The following SLC29A1 variants were observed in gnomAD, a reference collection of about 807,000 sequenced individuals.
SLC29A1 encodes the protein equilibrative nucleoside transporter 1.
In SLC29A1, 22 loss-of-function variants were observed where a neutral mutation model predicts 48.3. That is an observed-to-expected ratio of 0.46 (90% CI 0.33 to 0.65). SLC29A1 has a LOEUF of 0.65. Among genes scored for constraint, SLC29A1 ranks in the 30% least tolerant of loss-of-function variants. SLC29A1 has a pLI of 0.03. For missense variants in SLC29A1, 491 were observed against 575.3 expected (o/e 0.85, Z 1.50); for synonymous variants, 228 against 231.0 (o/e 0.99, Z 0.12).
In SLC29A1 at chr6:44,231,850, C is replaced by T. The variant is rs1778964183; in HGVS notation, c.865-148C>T. The T allele has an allele frequency of 5.0e-6, 3 of 594,904 alleles. No individual in the cohort carries two copies. In the Admixed American group the frequency reaches 7.5e-5, roughly 15 times the overall value. 36.9% of individuals were successfully genotyped at this position (594,904 alleles called of 1,614,324 possible). A position where few individuals can be genotyped will look rare whatever the true frequency, so the allele number is the denominator to read the frequency against. On this transcript the variant is annotated intron_variant, in intron 9 of 12. Transcript: ENST00000371755. ...ACCAGGTCAAGCTGGTCTCAAACTC[C>T]TGACCTCAGGTGATCCACCCACCTC...
chr6:44,219,823 G>C (rs943820137), upstream of SLC29A1: 66 of 1,115,024 alleles, frequency 5.9e-5, no homozygotes, highest in Non-Finnish European at 7.8e-5. Context: ...GGGCGGGGTG[G>C]GGTGGGGGCG....
intron 1 of SLC29A1, among the ~76,000 whole-genome samples, chr6:44,225,492 G>A (rs1335968216): frequency 2.1e-5 from 3 of 141,800 alleles, no homozygotes; most frequent in Non-Finnish European, 4.5e-5. Context: ...GGCAACAGGA[G>A]CAAAAACTCC....
In SLC29A1 at chr6:44,223,795, C is replaced by G. The variant is rs1031057976; in HGVS notation, c.-52+154C>G. The stretch of plus-strand genomic sequence containing the variant: ...GGCCCCAGTGCGGAGCGTGCGGAGC[C>G]GCGCAGCACGTGGCGCGCACGGGCC... On this transcript the variant is annotated intron_variant, in intron 1 of 12. Coordinates refer to ENST00000371755, the MANE Select transcript of SLC29A1 (RefSeq NM_001372327.1). The surrounding 1 kb of genome is among the most constrained non-coding windows in gnomAD (Gnocchi z 5.0). The G allele has an allele frequency of 4.3e-5, 44 of 1,021,526 alleles. No homozygotes were observed. Among genetic ancestry groups the G allele is most frequent in the Non-Finnish European group, 4.9e-5 (42 of 850,824 alleles). The allele number at this position is 1,021,526 out of a possible 1,614,324, so 63.3% of individuals were successfully genotyped here. A position where few individuals can be genotyped will look rare whatever the true frequency, so the allele number is the denominator to read the frequency against.
At chr6:44,221,057 T>A (rs1409764213), upstream of SLC29A1, among the ~76,000 whole-genome samples, 2 of 151,774 alleles carry the variant, frequency 1.3e-5, no homozygotes, top group East Asian at 3.9e-4. This position sits in a 1 kb window ranked among gnomAD's most constrained non-coding sequence, Gnocchi z 4.2. Context: ...TTTATTTTAA[T>A]TTTTTTTGTA....
chr6:44,230,381 T>A lies in SLC29A1; in HGVS notation c.489T>A (p.Gly163=). ...FGAILQGSLF[G]LAGLLPASYT... ...CCATCCTGCAGGGCAGCCTGTTTGG[T>A]CTGGCTGGCCTTCTGCCTGCCAGCT... is the stretch of plus-strand genomic sequence containing the variant. Residue 163 remains glycine (G), a synonymous_variant, in exon 6 of 13, where the codon GGT becomes GGA. Coordinates refer to ENST00000371755, the MANE Select transcript of SLC29A1 (RefSeq NM_001372327.1). 6.2e-7 allele frequency: 1 copy of A among 1,613,960 alleles called. No homozygotes were observed. Among genetic ancestry groups the A allele is most frequent in the Non-Finnish European group, 8.5e-7 (1 of 1,179,848 alleles).
At chr6:44,223,115 AG>A (rs1042711997), upstream of SLC29A1, among the ~76,000 whole-genome samples, 71 of 152,202 alleles carry the variant, frequency 4.7e-4, 1 homozygote, top group African/African-American at 1.7e-3. The surrounding 1 kb of genome is among the most constrained non-coding windows in gnomAD (Gnocchi z 5.0). Context: ...GAAAGAAAGA[AG>A]GGGGCGCTGA....
chr6:44,230,147 C>A (rs759373913), intron 5 of SLC29A1, 101 bp downstream of exon 5: 3 of 1,533,128 alleles, frequency 2.0e-6, no homozygotes. Context: ...CAGCCTCCGC[C>A]TGGAGGGAGT....
rs1186063210 is a variant in SLC29A1 at position 44,229,633 on chromosome 6, C to T, written c.156C>T (p.Val52=). Residue 52 remains valine (V), a synonymous_variant, in exon 4 of 13, where the codon GTC becomes GTT. Coordinates refer to ENST00000371755, the MANE Select transcript of SLC29A1 (RefSeq NM_001372327.1). The surrounding 1 kb of genome is among the most constrained non-coding windows in gnomAD (Gnocchi z 5.1). The stretch of plus-strand genomic sequence containing the variant: ...ACATGTCCCAGAATGTGTCCTTGGT[C>T]ACTGCTGAACTGAGCAAGGACGCCC... The part of the protein sequence containing the change: ...RLDMSQNVSL[V]TAELSKDAQA... 6.2e-7 allele frequency: 1 copy of T among 1,614,168 alleles called. No individual in the cohort carries two copies. Among genetic ancestry groups the T allele is most frequent in the Admixed American group, 1.7e-5 (1 of 60,028 alleles).
upstream of SLC29A1, chr6:44,221,692 T>TG (rs1776443864): frequency 1.2e-5 from 16 of 1,280,484 alleles, no homozygotes; most frequent in Non-Finnish European, 1.6e-5. This position sits in a 1 kb window ranked among gnomAD's most constrained non-coding sequence, Gnocchi z 4.2. Flanking sequence ...CTGTGTAAGT[T>TG]GGGGCTCCCA....
upstream of SLC29A1, chr6:44,221,520 G>A: frequency 1.2e-6 from 1 of 827,420 alleles, no homozygotes. The surrounding 1 kb of genome is among the most constrained non-coding windows in gnomAD (Gnocchi z 4.2). Flanking sequence ...CCCATATAGG[G>A]TGGTGAATAA....
intron 9 of SLC29A1, 76 bp downstream of exon 9, chr6:44,231,537 C>T: frequency 2.2e-6 from 2 of 905,058 alleles, no homozygotes; most frequent in Non-Finnish European, 3.6e-6. Context: ...CCCCTGCCAC[C>T]CATCTCCTCC....
chr6:44,223,933 G>T lies in SLC29A1; in HGVS notation c.-52+292G>T. The T allele has an allele frequency of 1.0e-6, 1 of 990,660 alleles. No individual in the cohort carries two copies. The highest frequency in any genetic ancestry group is 1.2e-6 in the Non-Finnish European group (1 of 833,476). The allele number at this position is 990,660 out of a possible 1,614,324, so 61.4% of individuals were successfully genotyped here. A position where few individuals can be genotyped will look rare whatever the true frequency, so the allele number is the denominator to read the frequency against. On this transcript the variant is annotated intron_variant, in intron 1 of 12. Transcript: ENST00000371755. The surrounding 1 kb of genome is among the most constrained non-coding windows in gnomAD (Gnocchi z 5.0). ...GACCTCCGCAAGGGGCAGGCGAGTG[G>T]ACGGGTGATCCCCATCGATCTGGTC... is the stretch of plus-strand genomic sequence containing the variant.
chr6:44,226,078 C>T (rs1247028548), intron 1 of SLC29A1: 1 of 983,926 alleles, frequency 1.0e-6, no homozygotes, highest in Non-Finnish European at 1.2e-6. Context: ...TGGACAAGGC[C>T]CACTGCCTGA....
At position 44,229,686 on chromosome 6, in the gene SLC29A1, T is replaced by G; in HGVS notation, c.209T>G (p.Leu70Trp). 6.2e-7 allele frequency: 1 copy of G among 1,614,058 alleles called. No homozygotes were observed. Among genetic ancestry groups the G allele is most frequent in the Non-Finnish European group, 8.5e-7 (1 of 1,180,012 alleles). ...GCGTCAGCCGCCCCTGCAGCACCCT[T>G]GCCTGAGCGGAACTCTCTCAGTGCC... The part of the protein sequence containing the change: ...AQASAAPAAP[L>W]PERNSLSAIF... The change falls in exon 4 of 13, where the codon TTG (leucine) becomes TGG (tryptophan). Residue 70 changes from leucine to tryptophan, a missense_variant. By Grantham distance (61) the Leu-to-Trp change is moderately conservative. Transcript: ENST00000371755. This position sits in a 1 kb window ranked among gnomAD's most constrained non-coding sequence, Gnocchi z 5.1.
chr6:44,228,848 A>G (rs1778176057), intron 2 of SLC29A1, among the ~76,000 whole-genome samples: 1 of 152,222 alleles, frequency 6.6e-6, no homozygotes, highest in South Asian at 2.1e-4. Flanking sequence ...AAATGGCTCT[A>G]AGGCCCTCTC....
rs1488079409 is a variant in SLC29A1 at position 44,233,559 on chromosome 6, C to T, written c.*31C>T. Reference sequence around the variant, plus strand: ...GATGGACAGAAGGACTGCCTGCCTCCCTCCCTGTCTGCCTCCTGCCCCTTC... The same window carrying T: ...GATGGACAGAAGGACTGCCTGCCTCTCTCCCTGTCTGCCTCCTGCCCCTTC... On this transcript the variant is annotated 3_prime_UTR_variant, in exon 13 of 13. Transcript: ENST00000371755. 7.1e-6 allele frequency: 11 copies of T among 1,548,284 alleles called. No individual in the cohort carries two copies. The highest frequency in any genetic ancestry group is 1.1e-5 in the South Asian group (1 of 89,752).
In SLC29A1 at chr6:44,230,499, C is replaced by T. The variant is rs756111971; in HGVS notation, c.589+18C>T. 3.7e-6 allele frequency: 6 copies of T among 1,613,852 alleles called. No homozygotes were observed. Among genetic ancestry groups the T allele is most frequent in the South Asian group, 3.3e-5 (3 of 91,080 alleles). On this transcript the variant is annotated intron_variant, in intron 6 of 12. Coordinates refer to ENST00000371755, the MANE Select transcript of SLC29A1 (RefSeq NM_001372327.1). ...TATTGCCAGTAAGTCCGGCTATCTA[C>T]CTGCCCAGTGCCCTGGTGTGGTGGG...
Position 44,232,478 on chromosome 6 carries a change from C to A in SLC29A1, c.1059+50C>A. ...GCCCCTGTGGGAAGTAAGAGTCCAG[C>A]CTGGACCCAGAGAGGGAACCCAAGA... On this transcript the variant is annotated intron_variant, in intron 11 of 12. Coordinates refer to ENST00000371755, the MANE Select transcript of SLC29A1 (RefSeq NM_001372327.1). This position sits in a 1 kb window ranked among gnomAD's most constrained non-coding sequence, Gnocchi z 4.7. 7.9e-7 allele frequency: 1 copy of A among 1,263,306 alleles called. No individual in the cohort carries two copies. Among genetic ancestry groups the A allele is most frequent in the Non-Finnish European group, 1.1e-6 (1 of 876,174 alleles). The allele number at this position is 1,263,306 out of a possible 1,614,324, so 78.3% of individuals were successfully genotyped here.
upstream of SLC29A1, among the ~76,000 whole-genome samples, chr6:44,221,129 C>G (rs1776367489): frequency 6.6e-6 from 1 of 152,114 alleles, no homozygotes; most frequent in African/African-American, 2.4e-5. The surrounding 1 kb of genome is among the most constrained non-coding windows in gnomAD (Gnocchi z 4.2). Flanking sequence ...AGTGATCCTC[C>G]CACCTCGGCC....
Sources: gnomAD v4.1 joint callset for allele counts (sites outside exome capture counted in the v4.1 genomes callset) on GRCh38, gnomAD v4.1.1 for gene constraint, Gnocchi (gnomAD v3.1) non-coding constraint, MANE v1.5 for transcripts, NCBI Gene and HGNC (gene_info 2026-07-23, HGNC 2026-07-21) for gene names.